ADAMTS18: variants seen among roughly 807,000 people sequenced by gnomAD.
ADAMTS18 encodes the protein A disintegrin and metalloproteinase with thrombospondin motifs 18.
In ADAMTS18, 157 loss-of-function variants were observed where a neutral mutation model predicts 165.9. The ratio of observed to expected loss-of-function variants is 0.95; its 90% CI spans 0.83 to 1.08. The LOEUF (loss-of-function observed/expected upper bound fraction) is 1.08. Among genes scored for constraint, ADAMTS18 ranks in the 50% least tolerant of loss-of-function variants. The pLI is 0.00. For missense variants in ADAMTS18, 2,040 were observed against 1,534.0 expected (o/e 1.33, Z -5.51); for synonymous variants, 782 against 578.2 (o/e 1.35, Z -5.06).
intron 16 of ADAMTS18, among the ~76,000 whole-genome samples, chr16:77,312,650 C>A (rs909265697): frequency 4.6e-5 from 7 of 152,176 alleles, no homozygotes; most frequent in Non-Finnish European, 1.0e-4. Context: ...CAGAGCTATG[C>A]ATGGATTAAA....
In ADAMTS18 at chr16:77,284,063, A is replaced by T; in HGVS notation, c.3559T>A (p.Ser1187Thr). 2 of 1,607,862 alleles carry T rather than the reference A, an allele frequency of 1.2e-6. No individual in the cohort carries two copies. The highest frequency in any genetic ancestry group is 1.7e-6 in the Non-Finnish European group (2 of 1,174,578). The change falls in exon 23 of 23, where the codon TCC becomes ACC. Residue 1187 changes from serine (S) to threonine (T), a missense_variant. Transcript: ENST00000282849. Reference sequence around the variant, plus strand: ...CACCAGTTGAAGAAATCTACGCAGGATGGATCCTCTAAAATAAGAAAATAT... The same window carrying T: ...CACCAGTTGAAGAAATCTACGCAGGTTGGATCCTCTAAAATAAGAAAATAT... ...CPAPEKREDP[S>T]CVDFFNWCHL...
chr16:77,362,397 G>C, intron 6 of ADAMTS18, 133 bp from the exon 7 acceptor site: 1 of 945,102 alleles, frequency 1.1e-6, no homozygotes, highest in Non-Finnish European at 1.6e-6. Flanking sequence ...AGCTAAGGTA[G>C]GAGACAGGAA....
chr16:77,287,718 C>A (rs954096261), intron 22 of ADAMTS18, among the ~76,000 whole-genome samples: 8 of 152,036 alleles, frequency 5.3e-5, no homozygotes, highest in Non-Finnish European at 8.8e-5. Flanking sequence ...GTGATCCACC[C>A]GCCTCAGCCT....
At position 77,334,689 on chromosome 16, in the gene ADAMTS18, A is replaced by AC. The variant is rs1351660761; in HGVS notation, c.1859+1066_1859+1067insG. 1.1e-3 allele frequency among the ~76,000 whole-genome samples: 121 copies of AC among 111,868 alleles called. 1 individual carries two copies. In the East Asian group the frequency reaches 0.029, roughly 27 times the overall value. 73.4% of individuals were successfully genotyped at this position (111,868 alleles called of 152,430 possible). A position where few individuals can be genotyped will look rare whatever the true frequency, so the allele number is the denominator to read the frequency against. Reference sequence around the variant, plus strand: ...ATAGTGCATATACTATAGTATATATATATAGTATATATATACTGTATACTA... The same window carrying AC: ...ATAGTGCATATACTATAGTATATATACTATAGTATATATATACTGTATACTA... On this transcript the variant is annotated intron_variant, in intron 12 of 22. Coordinates refer to ENST00000282849, the MANE Select transcript of ADAMTS18 (RefSeq NM_199355.4).
At chr16:77,347,735 T>C (rs1355225821) in intron 10 of ADAMTS18, among the ~76,000 whole-genome samples, 1 of 152,162 alleles carries the variant, frequency 6.6e-6, no homozygotes, top group Non-Finnish European at 1.5e-5. Context: ...CCCTCCTTTT[T>C]TGGTAAGGGG....
chr16:77,291,880 A>G (rs2055371257), intron 20 of ADAMTS18, among the ~76,000 whole-genome samples: 1 of 152,216 alleles, frequency 6.6e-6, no homozygotes. Context: ...TGAAGAGGGT[A>G]AGGGCCAGAG....
chr16:77,328,508 G>T (rs566795844), intron 12 of ADAMTS18, among the ~76,000 whole-genome samples: 1 of 152,134 alleles, frequency 6.6e-6, no homozygotes, highest in East Asian at 1.9e-4. Context: ...ATGTCACGCG[G>T]CCAGAATGAG....
At chr16:77,426,537 C>G (rs1212379359) in intron 3 of ADAMTS18, among the ~76,000 whole-genome samples, 2 of 152,310 alleles carry the variant, frequency 1.3e-5, no homozygotes, top group Non-Finnish European at 1.5e-5. Context: ...GTGTAAACTC[C>G]TTGTTTCAGG....
chr16:77,371,034 G>A (rs567558704), intron 3 of ADAMTS18, among the ~76,000 whole-genome samples: 1 of 152,140 alleles, frequency 6.6e-6, no homozygotes, highest in Non-Finnish European at 1.5e-5. Flanking sequence ...GGGCAACATA[G>A]TGAAACCCTG....
intron 7 of ADAMTS18, among the ~76,000 whole-genome samples, chr16:77,359,739 T>G (rs2056685134): frequency 1.3e-5 from 2 of 152,202 alleles, no homozygotes; most frequent in South Asian, 4.1e-4. Flanking sequence ...AATATTTATA[T>G]GCCTTGTCTG....
chr16:77,338,586 T>C (rs112566236), intron 11 of ADAMTS18, among the ~76,000 whole-genome samples: 1,534 of 152,046 alleles, frequency 0.01, 28 homozygotes, highest in African/African-American at 0.035. Flanking sequence ...TGAATGGCCA[T>C]GACTTAGGCC....
Position 77,367,457 on chromosome 16 carries a change from A to G in ADAMTS18, c.762T>C (p.Cys254=). 6.2e-7 allele frequency: 1 copy of G among 1,614,236 alleles called. No individual in the cohort carries two copies. Residue 254 remains cysteine (C), a synonymous_variant, in exon 4 of 23, where the codon TGT becomes TGC. Transcript: ENST00000282849. ...CTTACATACATTTCTTGCGTCGTCC[A>G]CAAAAATGCTGCTTTTGCAACCTTC... ...HHRRLQKQHF[C]GRRKKYAPKP... is the part of the protein sequence containing the mutation.
chr16:77,385,951 T>G (rs1040114900), intron 3 of ADAMTS18, among the ~76,000 whole-genome samples: 6 of 152,236 alleles, frequency 3.9e-5, no homozygotes, highest in African/African-American at 1.4e-4. Context: ...GGAAATGGGA[T>G]CTGGGGAGAA....
chr16:77,413,192 G>A (rs2057487434), intron 3 of ADAMTS18, among the ~76,000 whole-genome samples: 1 of 152,102 alleles, frequency 6.6e-6, no homozygotes, highest in Admixed American at 6.5e-5. Flanking sequence ...AATTCTTTCT[G>A]TAGAATAAAG....
intron 3 of ADAMTS18, among the ~76,000 whole-genome samples, chr16:77,411,346 C>T (rs892232901): frequency 6.6e-6 from 1 of 152,178 alleles, no homozygotes; most frequent in African/African-American, 2.4e-5. Flanking sequence ...CATGCCAACG[C>T]CTTTTTGCAG....
chr16:77,425,501 C>G (rs1050268619), intron 3 of ADAMTS18, among the ~76,000 whole-genome samples: 10 of 152,204 alleles, frequency 6.6e-5, no homozygotes, highest in Non-Finnish European at 1.5e-4. Flanking sequence ...CAGTGGTAAA[C>G]TCACCCATGT....
chr16:77,341,089 A>T (rs1234999989), intron 11 of ADAMTS18, among the ~76,000 whole-genome samples: 1 of 152,180 alleles, frequency 6.6e-6, no homozygotes, highest in Non-Finnish European at 1.5e-5. Context: ...ATTGAGAAAG[A>T]GGAAGAAAAA....
chr16:77,401,214 A>G (rs1178022180), intron 3 of ADAMTS18, among the ~76,000 whole-genome samples: 1 of 152,144 alleles, frequency 6.6e-6, no homozygotes, highest in Admixed American at 6.6e-5. Flanking sequence ...AGATCATACC[A>G]CTTCACTCCA....
At chr16:77,334,548 GTA>G (rs1326867863) in intron 12 of ADAMTS18, among the ~76,000 whole-genome samples, 1 of 109,100 alleles carries the variant, frequency 9.2e-6, no homozygotes, top group Non-Finnish European at 1.7e-5. Context: ...GGATATTATA[GTA>G]TATATTATAT....
Sources: gnomAD v4.1 joint callset for allele counts (sites outside exome capture counted in the v4.1 genomes callset) on GRCh38, gnomAD v4.1.1 for gene constraint, MANE v1.5 for transcripts, NCBI Gene and HGNC (gene_info 2026-07-23, HGNC 2026-07-21) for gene names.